SPINK14: variants seen among roughly 807,000 people sequenced by gnomAD.
SPINK14 encodes serine protease inhibitor Kazal-type 14.
A neutral mutation model predicts 14.2 loss-of-function variants in SPINK14; 6 were observed. The ratio of observed to expected loss-of-function variants is 0.42; its 90% CI spans 0.23 to 0.83. SPINK14 has a LOEUF of 0.83. Ranked by LOEUF, SPINK14 falls within the 40% of genes least tolerant of loss-of-function variation. SPINK14 has a pLI of 0.28. For missense variants in SPINK14, 86 were observed against 108.3 expected, an observed-to-expected ratio of 0.79 and a Z score of 0.91; for synonymous variants, 34 against 36.8, an observed-to-expected ratio of 0.92 and a Z score of 0.27.
At chr5:148,172,247 G>A (rs866925240) in intron 3 of SPINK14, among the ~76,000 whole-genome samples, 1 of 152,056 alleles carries the variant, frequency 6.6e-6, no homozygotes, top group Non-Finnish European at 1.5e-5. Context: ...AGGTGAAGAG[G>A]GGGGAGAAAG....
chr5:148,175,328 A>C, intron 4 of SPINK14, 25 bp from the exon 5 acceptor site: 1 of 1,475,978 alleles, frequency 6.8e-7, no homozygotes, highest in Non-Finnish European at 9.4e-7. Flanking sequence ...ACTAAATGAA[A>C]TGTTTATTCT....
At chr5:148,170,698 C>A (rs1383771124) in intron 2 of SPINK14, among the ~76,000 whole-genome samples, 1 of 152,124 alleles carries the variant, frequency 6.6e-6, no homozygotes, top group Non-Finnish European at 1.5e-5. Flanking sequence ...CACTGGACTG[C>A]CAGCCTTTAT....
chr5:148,172,479 A>G (rs1417047762), intron 3 of SPINK14, among the ~76,000 whole-genome samples: 1 of 152,154 alleles, frequency 6.6e-6, no homozygotes, highest in African/African-American at 2.4e-5. Context: ...TTTCAGATTC[A>G]ACTATTTTAT....
chr5:148,171,869 T>G (rs1474854577), intron 3 of SPINK14, among the ~76,000 whole-genome samples: 1 of 152,090 alleles, frequency 6.6e-6, no homozygotes, highest in Non-Finnish European at 1.5e-5. Flanking sequence ...GTTCTGGAAT[T>G]TTCTTCTGCA....
At chr5:148,169,977 T>A (rs368952322) in intron 2 of SPINK14, among the ~76,000 whole-genome samples, 178 bp downstream of exon 2, 3 of 106,314 alleles carry the variant, frequency 2.8e-5, no homozygotes, top group Non-Finnish European at 2.1e-5. Context: ...ATATATATAT[T>A]TATATATATA....
chr5:148,170,193 C>CACACAT, intron 2 of SPINK14, among the ~76,000 whole-genome samples: 1 of 146,268 alleles, frequency 6.8e-6, no homozygotes. Context: ...CACACACACA[C>CACACAT]ACATACATAT....
Position 148,170,911 on chromosome 5 carries a change from AT to A in SPINK14, c.68-15del, listed in dbSNP as rs1424746247. 1.2e-6 allele frequency: 2 copies of A among 1,605,960 alleles called. No homozygotes were observed. Among genetic ancestry groups the A allele is most frequent in the South Asian group, 2.2e-5 (2 of 90,744 alleles). On this transcript the variant is annotated intron_variant, in intron 2 of 4. Transcript: ENST00000356972. ...TTAACAGGAATTAAATTCTGTAACT[AT>A]TTTCATGTATTCTCTAGTTTCAGGC...
At chr5:148,170,244 T>C (rs796108639) in intron 2 of SPINK14, among the ~76,000 whole-genome samples, 3 of 150,870 alleles carry the variant, frequency 2.0e-5, no homozygotes, top group African/African-American at 7.3e-5. Context: ...ACTGATTCAA[T>C]GGGCAGAGAC....
At position 148,175,424 on chromosome 5, in the gene SPINK14, ATCT is replaced by A; in HGVS notation, c.*31_*33del. ...CTGAGTGGACTTGAATGTGGAAGAT[ATCT>A]TCTTTTTTTTTTCCTCCATGTCTCC... On this transcript the variant is annotated 3_prime_UTR_variant, in exon 5 of 5. Transcript: ENST00000356972. The A allele has an allele frequency of 6.6e-7, 1 of 1,514,434 alleles. No homozygotes were observed. Among genetic ancestry groups the A allele is most frequent in the Non-Finnish European group, 8.9e-7 (1 of 1,117,544 alleles). 93.8% of individuals were successfully genotyped at this position (1,514,434 alleles called of 1,614,324 possible).
At chr5:148,169,876 C>A (rs377258254) in intron 2 of SPINK14, 77 bp downstream of exon 2, 1 of 1,207,872 alleles carries the variant, frequency 8.3e-7, no homozygotes, top group Non-Finnish European at 1.2e-6. Flanking sequence ...AGAGAGAATG[C>A]TTTGAAATTG....
chr5:148,172,708 T>C (rs894768057), intron 3 of SPINK14, among the ~76,000 whole-genome samples: 1 of 152,144 alleles, frequency 6.6e-6, no homozygotes, highest in African/African-American at 2.4e-5. Context: ...CGTATTTTAA[T>C]AAATAGTTCT....
At chr5:148,173,063 G>C (rs1005675185) in intron 3 of SPINK14, among the ~76,000 whole-genome samples, 1 of 152,004 alleles carries the variant, frequency 6.6e-6, no homozygotes, top group Non-Finnish European at 1.5e-5. Flanking sequence ...AGGAAATAAG[G>C]AATAAAGGAA....
At chr5:148,172,449 TC>T (rs1298133728) in intron 3 of SPINK14, among the ~76,000 whole-genome samples, 1 of 152,164 alleles carries the variant, frequency 6.6e-6, no homozygotes, top group East Asian at 1.9e-4. Context: ...CTTACTCTTG[TC>T]TTTGATAACT....
intron 2 of SPINK14, among the ~76,000 whole-genome samples, chr5:148,170,399 T>C (rs1755089489): frequency 6.6e-6 from 1 of 151,942 alleles, no homozygotes. Context: ...ATTTAGAGTG[T>C]TTGATTTGCT....
Position 148,174,277 on chromosome 5 carries a change from G to A in SPINK14, c.155G>A (p.Gly52Glu), listed in dbSNP as rs1298512432. 3.6e-6 allele frequency: 4 copies of A among 1,113,926 alleles called. 1 individual carries two copies. The highest frequency in any genetic ancestry group is 4.9e-6 in the Non-Finnish European group (4 of 810,712). 69.0% of individuals were successfully genotyped at this position (1,113,926 alleles called of 1,614,324 possible). ...YEKVNLSWYN[G>E]TVNPCPGLYQ... is the part of the protein sequence containing the mutation. ...AAAGTAAACTTGAGCTGGTACAATGGAACGGTCAACCCCTGCCCTGGCTTA... is the reference window on the plus strand; with the variant it reads ...AAAGTAAACTTGAGCTGGTACAATGAAACGGTCAACCCCTGCCCTGGCTTA... Residue 52 changes from glycine (G) to glutamate (E), a missense_variant, in exon 4 of 5, where the codon GGA becomes GAA. By Grantham distance (98) the Gly-to-Glu change is moderately conservative (BLOSUM62 -2). Transcript: ENST00000356972.
chr5:148,171,034 G>T, intron 3 of SPINK14, 61 bp downstream of exon 3: 1 of 1,509,256 alleles, frequency 6.6e-7, no homozygotes, highest in South Asian at 1.1e-5. Context: ...TTTTTTTTTG[G>T]AATTGTTACT....
At chr5:148,175,262 A>G in intron 4 of SPINK14, 91 bp from the exon 5 acceptor site, 1 of 838,324 alleles carries the variant, frequency 1.2e-6, no homozygotes, top group Admixed American at 2.9e-5. Flanking sequence ...CCAAATATAA[A>G]ACCAGGTTTT....
rs371403718 is a variant in SPINK14 at position 148,169,965 on chromosome 5, G to GTATA, written c.67+174_67+177dup. Among the ~76,000 whole-genome samples the GTATA allele has an allele frequency of 7.8e-3, 1,125 of 144,912 alleles. 43 individuals are homozygous for GTATA. In the East Asian group the frequency reaches 0.13, roughly 16 times the overall value. On this transcript the variant is annotated intron_variant, in intron 2 of 4. Transcript: ENST00000356972. ...TTGACGTGTTGCAGAGTGTATATAT[G>GTATA]TATATATATATTTATATATATACTC...
At position 148,169,684 on chromosome 5, in the gene SPINK14, CT is replaced by C; in HGVS notation, c.-48del. The stretch of plus-strand genomic sequence containing the variant: ...AGTGATTGTATTAGAGGGCAACAAC[CT>C]GAGACAATATTTCAGAGCATCATTC... On this transcript the variant is annotated 5_prime_UTR_variant, in exon 2 of 5. Transcript: ENST00000356972. The C allele has an allele frequency of 6.7e-7, 1 of 1,502,218 alleles. No homozygotes were observed. The highest frequency in any genetic ancestry group is 9.2e-7 in the Non-Finnish European group (1 of 1,084,162). 93.1% of individuals were successfully genotyped at this position (1,502,218 alleles called of 1,614,324 possible).
Sources: gnomAD v4.1 joint callset for allele counts (sites outside exome capture counted in the v4.1 genomes callset) on GRCh38, gnomAD v4.1.1 for gene constraint, MANE v1.5 for transcripts, NCBI Gene and HGNC (gene_info 2026-07-23, HGNC 2026-07-21) for gene names.